Variants in BRD10 observed in about 807,000 individuals in gnomAD.
BRD10 encodes uncharacterized bromodomain-containing protein 10.
chr9:5,944,253 T>A, the BRD10 span, among the ~76,000 whole-genome samples: 1 of 152,130 alleles, frequency 6.6e-6, no homozygotes, highest in Non-Finnish European at 1.5e-5. Context: ...ATTTAATAAA[T>A]AGCACAATTG....
chr9:5,922,751 G>A, the BRD10 span: 209 of 1,613,826 alleles, frequency 1.3e-4, no homozygotes, highest in Non-Finnish European at 1.7e-4. Context: ...AATCTTTACA[G>A]AGCTATTTTG....
chr9:5,972,519 T>C, the BRD10 span, among the ~76,000 whole-genome samples: 5 of 150,242 alleles, frequency 3.3e-5, no homozygotes, highest in African/African-American at 1.2e-4. Context: ...AGATCTCTCA[T>C]GAATAGCTTG....
chr9:5,921,663 T>C, the BRD10 span: 1 of 1,613,944 alleles, frequency 6.2e-7, no homozygotes, highest in East Asian at 2.2e-5. Flanking sequence ...CTTTTTGTGA[T>C]ATAATCTACT....
chr9:5,999,167 C>A, the BRD10 span, among the ~76,000 whole-genome samples: 1 of 151,894 alleles, frequency 6.6e-6, no homozygotes, highest in African/African-American at 2.4e-5. Flanking sequence ...CTAACTTAAA[C>A]TGATAAAATT....
the BRD10 span, among the ~76,000 whole-genome samples, chr9:6,002,508 T>C: frequency 6.6e-6 from 1 of 152,098 alleles, no homozygotes. Context: ...GAAATAAACA[T>C]TTTGTTAAAA....
the BRD10 span, among the ~76,000 whole-genome samples, chr9:5,964,932 G>A: frequency 6.8e-6 from 1 of 146,198 alleles, no homozygotes; most frequent in South Asian, 2.2e-4. Context: ...GGGAGGGAGA[G>A]CATTGGGAGA....
chr9:5,921,528 T>C, the BRD10 span: 7 of 1,613,912 alleles, frequency 4.3e-6, no homozygotes, highest in Middle Eastern at 3.3e-4. Context: ...GTCATATTAA[T>C]TGCAGTTCCA....
chr9:5,927,960 C>T, the BRD10 span, among the ~76,000 whole-genome samples: 3 of 152,194 alleles, frequency 2.0e-5, no homozygotes, highest in African/African-American at 7.2e-5. Context: ...GACTCCTATA[C>T]TGAACTGCTT....
chr9:5,997,010 T>C, the BRD10 span, among the ~76,000 whole-genome samples: 1 of 152,184 alleles, frequency 6.6e-6, no homozygotes, highest in Non-Finnish European at 1.5e-5. Flanking sequence ...CTTCTATTTA[T>C]CTCCTAAGCA....
the BRD10 span, among the ~76,000 whole-genome samples, chr9:5,955,402 A>G: frequency 1.3e-5 from 2 of 152,208 alleles, no homozygotes; most frequent in Admixed American, 6.5e-5. Flanking sequence ...TCAAAAGGGA[A>G]AATGAATGCG....
chr9:6,004,507 A>G, the BRD10 span, among the ~76,000 whole-genome samples: 1 of 152,200 alleles, frequency 6.6e-6, no homozygotes, highest in Non-Finnish European at 1.5e-5. Flanking sequence ...TTTACCTAAT[A>G]TACCTCATTT....
the BRD10 span, chr9:6,007,642 G>T: frequency 6.2e-7 from 1 of 1,603,266 alleles, no homozygotes; most frequent in Non-Finnish European, 8.5e-7. Context: ...GTCCTCCAGC[G>T]AGGAGGCACT....
chr9:5,884,020 C>G, the BRD10 span, among the ~76,000 whole-genome samples: 1 of 152,146 alleles, frequency 6.6e-6, no homozygotes, highest in East Asian at 1.9e-4. Context: ...CAAAAACACA[C>G]GGCCAGTCAA....
chr9:5,941,510 G>C, the BRD10 span, among the ~76,000 whole-genome samples: 2 of 152,130 alleles, frequency 1.3e-5, no homozygotes, highest in African/African-American at 4.8e-5. Flanking sequence ...AGTACCACAG[G>C]ATCTAAACGA....
At chr9:5,982,811 C>T in the BRD10 span, among the ~76,000 whole-genome samples, 1 of 152,080 alleles carries the variant, frequency 6.6e-6, no homozygotes, top group East Asian at 1.9e-4. Flanking sequence ...TCAGGGAGTC[C>T]AGTGGAGTGG....
At chr9:5,895,846 C>A in the BRD10 span, among the ~76,000 whole-genome samples, 1 of 152,248 alleles carries the variant, frequency 6.6e-6, no homozygotes, top group Non-Finnish European at 1.5e-5. Context: ...GTGCTTTTCG[C>A]TCTCAGTTAC....
the BRD10 span, among the ~76,000 whole-genome samples, chr9:5,983,962 TACACACACACACACACACACACAC>T: frequency 1.5e-5 from 2 of 129,638 alleles, no homozygotes; most frequent in Non-Finnish European, 1.6e-5. Context: ...GTATATGCAT[TACACACACACACACACACACACAC>T]ACACACACAC....
At chr9:5,994,646 C>T in the BRD10 span, among the ~76,000 whole-genome samples, 1 of 152,188 alleles carries the variant, frequency 6.6e-6, no homozygotes, top group Non-Finnish European at 1.5e-5. Context: ...TAATACATGA[C>T]TAACCTCTTC....
the BRD10 span, among the ~76,000 whole-genome samples, chr9:5,940,395 A>G: frequency 0.09 from 13,709 of 152,018 alleles, 856 homozygotes; most frequent in Non-Finnish European, 0.14. Flanking sequence ...GGGTTTCACC[A>G]TGTTAGCCAG....
Sources: allele counts gnomAD v4.1 joint callset (sites outside exome capture counted in the v4.1 genomes callset), GRCh38; gene constraint gnomAD v4.1.1; transcripts MANE v1.5; gene names NCBI Gene and HGNC (gene_info 2026-07-23, HGNC 2026-07-21).